CNTNAP5: variants seen among roughly 807,000 people sequenced by gnomAD.
CNTNAP5 encodes the protein contactin-associated protein-like 5.
In CNTNAP5, 72 loss-of-function variants were observed where a neutral mutation model predicts 150.2. That is an observed-to-expected ratio of 0.48 (90% CI 0.40 to 0.58). CNTNAP5 has a LOEUF of 0.58. Among genes scored for constraint, CNTNAP5 ranks in the 20% least tolerant of loss-of-function variants. The probability of loss-of-function intolerance (pLI) is 0.00; values close to 1 mark genes in which losing one functional copy is unlikely to be tolerated. For missense variants in CNTNAP5, 1,636 were observed against 1,626.2 expected, an observed-to-expected ratio of 1.01 and a Z score of -0.10; for synonymous variants, 672 against 619.8, an observed-to-expected ratio of 1.08 and a Z score of -1.25.
At chr2:124,055,734 C>A (rs921319513) in intron 1 of CNTNAP5, among the ~76,000 whole-genome samples, 1 of 152,162 alleles carries the variant, frequency 6.6e-6, no homozygotes, top group Non-Finnish European at 1.5e-5. Context: ...AGGGATTACT[C>A]CAACTTTCAT....
chr2:124,888,339 A>G (rs1205438521), intron 21 of CNTNAP5, among the ~76,000 whole-genome samples: 1 of 152,188 alleles, frequency 6.6e-6, no homozygotes, highest in Admixed American at 6.5e-5. Context: ...TTCCCTTTCC[A>G]TCCACCATCG....
At chr2:124,771,139 G>C (rs1027628814) in intron 16 of CNTNAP5, among the ~76,000 whole-genome samples, 1 of 152,184 alleles carries the variant, frequency 6.6e-6, no homozygotes, top group Non-Finnish European at 1.5e-5. Flanking sequence ...GGAAGAAAGT[G>C]CTCTGAGGTG....
At chr2:124,120,845 C>G (rs917137673) in intron 1 of CNTNAP5, among the ~76,000 whole-genome samples, 11 of 152,068 alleles carry the variant, frequency 7.2e-5, no homozygotes, top group Non-Finnish European at 1.5e-4. Context: ...AATGAAGTGC[C>G]TGGGTATGCA....
intron 18 of CNTNAP5, among the ~76,000 whole-genome samples, chr2:124,796,828 C>G (rs1681856281): frequency 6.6e-6 from 1 of 152,126 alleles, no homozygotes; most frequent in Non-Finnish European, 1.5e-5. Flanking sequence ...GTTTTTATGG[C>G]AGAGGTTTGC....
chr2:124,335,089 A>C (rs1689438791), intron 3 of CNTNAP5, among the ~76,000 whole-genome samples: 1 of 152,132 alleles, frequency 6.6e-6, no homozygotes, highest in Non-Finnish European at 1.5e-5. Context: ...ATCTGCTACC[A>C]CAGGTGGTTA....
chr2:124,708,986 A>G (rs1445454202), intron 13 of CNTNAP5, among the ~76,000 whole-genome samples: 4 of 152,006 alleles, frequency 2.6e-5, no homozygotes, highest in African/African-American at 9.7e-5. Flanking sequence ...GTGCAAACTC[A>G]CTCACCGTGC....
intron 1 of CNTNAP5, among the ~76,000 whole-genome samples, chr2:124,072,302 C>A (rs1034578120): frequency 6.6e-5 from 10 of 151,864 alleles, no homozygotes; most frequent in African/African-American, 2.4e-4. Context: ...GAAGCCTTTC[C>A]TCTAAGATGT....
At chr2:124,357,431 T>C (rs1440168262) in intron 3 of CNTNAP5, among the ~76,000 whole-genome samples, 5 of 152,002 alleles carry the variant, frequency 3.3e-5, no homozygotes, top group Admixed American at 3.3e-4. Context: ...AGGGTTTTTA[T>C]GGTTTTAGGT....
chr2:124,125,076 T>G (rs943295919), intron 1 of CNTNAP5, among the ~76,000 whole-genome samples: 18 of 152,170 alleles, frequency 1.2e-4, no homozygotes, highest in African/African-American at 4.3e-4. Context: ...TAACCTTACA[T>G]GTAAATGGGC....
At chr2:124,149,913 A>G (rs1684363673) in intron 1 of CNTNAP5, among the ~76,000 whole-genome samples, 1 of 152,208 alleles carries the variant, frequency 6.6e-6, no homozygotes, top group Non-Finnish European at 1.5e-5. Context: ...GATGGAGATG[A>G]GGAGATTCTG....
chr2:124,826,389 G>A (rs1057062306), intron 19 of CNTNAP5, among the ~76,000 whole-genome samples: 1 of 152,070 alleles, frequency 6.6e-6, no homozygotes, highest in Admixed American at 6.5e-5. Flanking sequence ...GGGATGTTAA[G>A]AAAACTCAGG....
chr2:124,531,985 T>C (rs1325260320), intron 10 of CNTNAP5, among the ~76,000 whole-genome samples: 1 of 152,158 alleles, frequency 6.6e-6, no homozygotes, highest in Non-Finnish European at 1.5e-5. Context: ...TGAACTGATA[T>C]AAAGTTCTGC....
At chr2:124,730,622 G>GT in intron 13 of CNTNAP5, among the ~76,000 whole-genome samples, 1 of 151,980 alleles carries the variant, frequency 6.6e-6, no homozygotes, top group Non-Finnish European at 1.5e-5. Context: ...GATTTCATCT[G>GT]TTTTTTGTTT....
At chr2:124,360,513 A>T (rs1177234005) in intron 3 of CNTNAP5, among the ~76,000 whole-genome samples, 6 of 139,200 alleles carry the variant, frequency 4.3e-5, no homozygotes, top group African/African-American at 7.9e-5. Flanking sequence ...GGTGGTGACA[A>T]AATCTCTCAG....
intron 13 of CNTNAP5, among the ~76,000 whole-genome samples, chr2:124,744,987 T>C (rs1255486636): frequency 6.6e-6 from 1 of 152,214 alleles, no homozygotes; most frequent in African/African-American, 2.4e-5. Context: ...AGTCATTTGG[T>C]TAAAACGTGT....
intron 3 of CNTNAP5, among the ~76,000 whole-genome samples, chr2:124,368,424 A>G (rs879901155): frequency 1.3e-5 from 2 of 152,194 alleles, no homozygotes; most frequent in Admixed American, 1.3e-4. Context: ...TACAGAAGCC[A>G]TTTTGGCAAT....
At position 124,434,674 on chromosome 2, in the gene CNTNAP5, A is replaced by G. The variant is rs1364333866; in HGVS notation, c.720A>G (p.Leu240=). Residue 240 remains leucine, a synonymous_variant, in exon 5 of 24, where the codon CTA becomes CTG. Transcript: ENST00000682447. ...TLELQKGRLA[L]HLNLGDSKAR... is the part of the protein sequence containing the mutation. ...AACTCCAGAAGGGGAGGCTCGCCCT[A>G]CACCTCAATTTGGGTAGGCTCAGAC... The G allele has an allele frequency of 1.2e-6, 2 of 1,611,440 alleles. No individual in the cohort carries two copies. The highest frequency in any genetic ancestry group is 1.7e-6 in the Non-Finnish European group (2 of 1,178,820).
intron 2 of CNTNAP5, among the ~76,000 whole-genome samples, chr2:124,222,166 A>C (rs1056722705): frequency 2.0e-5 from 3 of 152,102 alleles, no homozygotes; most frequent in African/African-American, 7.2e-5. Context: ...TGTTTATTAA[A>C]TTTTCTTTCA....
At chr2:124,560,518 C>CA (rs11285774) in intron 10 of CNTNAP5, among the ~76,000 whole-genome samples, 51,027 of 126,564 alleles carry the variant, frequency 0.4, 10,607 homozygotes, top group East Asian at 0.93. Context: ...GACTCCATTT[C>CA]AAAAAAAAAA....
Sources: allele counts gnomAD v4.1 joint callset (sites outside exome capture counted in the v4.1 genomes callset), GRCh38; gene constraint gnomAD v4.1.1; transcripts MANE v1.5; gene names NCBI Gene and HGNC (gene_info 2026-07-23, HGNC 2026-07-21).